Variants in NCAPD3 observed in about 807,000 individuals in gnomAD.
NCAPD3 encodes condensin-2 complex subunit D3.
NCAPD3 carries 105 observed loss-of-function variants against 182.9 expected under a neutral mutation model. The observed-to-expected ratio is 0.57, with a 90% confidence interval of 0.49 to 0.68. The LOEUF (loss-of-function observed/expected upper bound fraction) is 0.68, where lower values mean the gene tolerates loss of function less well. Ranked by LOEUF, NCAPD3 falls within the 30% of genes least tolerant of loss-of-function variation. NCAPD3 has a pLI of 0.00. For missense variants in NCAPD3, 1,944 were observed against 1,837.0 expected (o/e 1.06, Z -1.07); for synonymous variants, 815 against 679.9 (o/e 1.20, Z -3.09).
intron 27 of NCAPD3, 86 bp downstream of exon 27, chr11:134,167,909 TG>T (rs1246887089): frequency 1.8e-5 from 21 of 1,185,476 alleles, no homozygotes; most frequent in Non-Finnish European, 2.6e-5. Flanking sequence ...GAGATGAGCT[TG>T]GGGGAGGTGC....
In NCAPD3 at chr11:134,203,192, G is replaced by A. The variant is rs772639923; in HGVS notation, c.1475C>T (p.Thr492Met). 6 of 1,595,404 alleles carry A rather than the reference G, an allele frequency of 3.8e-6. No individual in the cohort carries two copies. The highest frequency in any genetic ancestry group is 2.2e-5 in the East Asian group (1 of 44,736). ...SILELLINSP[T>M]FSVIESHPGT... ...AGGGTGACTCTCTATTACAGAAAACGTAGGACCTAAAAACAAGAAGAAAGA... is the reference window on the plus strand; with the variant it reads ...AGGGTGACTCTCTATTACAGAAAACATAGGACCTAAAAACAAGAAGAAAGA... Residue 492 changes from threonine to methionine, a missense_variant, in exon 12 of 35, where the codon ACG (threonine) becomes ATG (methionine). By Grantham distance (81) the Thr-to-Met change is moderately conservative. Coordinates refer to ENST00000534548, the MANE Select transcript of NCAPD3 (RefSeq NM_015261.3).
intron 13 of NCAPD3, among the ~76,000 whole-genome samples, chr11:134,196,554 G>C (rs1944632385): frequency 6.6e-6 from 1 of 150,868 alleles, no homozygotes; most frequent in African/African-American, 2.4e-5. Flanking sequence ...GCTGAGGCAG[G>C]AGATTTGCTT....
Position 134,168,463 on chromosome 11 carries a change from G to A in NCAPD3, c.3373+6C>T, listed in dbSNP as rs1943922857. On this transcript the variant is annotated splice_donor_region_variant and intron_variant, in intron 26 of 34. Coordinates refer to ENST00000534548, the MANE Select transcript of NCAPD3 (RefSeq NM_015261.3). ...ACACATTTTCTCCCACACACACTGG[G>A]CTTACCCAAAATACTAAGGCAGATT... The A allele has an allele frequency of 1.2e-5, 19 of 1,614,004 alleles. No homozygotes were observed. Among genetic ancestry groups the A allele is most frequent in the Non-Finnish European group, 1.5e-5 (18 of 1,179,978 alleles).
At chr11:134,211,313 A>G (rs1326328742) in intron 3 of NCAPD3, among the ~76,000 whole-genome samples, 3 of 152,228 alleles carry the variant, frequency 2.0e-5, no homozygotes, top group Non-Finnish European at 4.4e-5. Context: ...TAGTATTTAA[A>G]GGAAAACAAC....
chr11:134,210,115 G>A (rs1591860772), intron 4 of NCAPD3, among the ~76,000 whole-genome samples, 155 bp downstream of exon 4: 1 of 152,270 alleles, frequency 6.6e-6, no homozygotes, highest in East Asian at 1.9e-4. Context: ...ATTATATGAA[G>A]CCGAAGACAC....
Position 134,150,641 on chromosome 11 carries a change from T to A in NCAPD3, c.*2303A>T, listed in dbSNP as rs1943192261. On this transcript the variant is annotated 3_prime_UTR_variant, in exon 35 of 35. Coordinates refer to ENST00000534548, the MANE Select transcript of NCAPD3 (RefSeq NM_015261.3). ...TCACAAAATAGGGCCCCCAATGCTATTTTTTTTTTTTAAGTTTGTTTAATT... is the reference window on the plus strand; with the variant it reads ...TCACAAAATAGGGCCCCCAATGCTAATTTTTTTTTTTAAGTTTGTTTAATT... The A allele has an allele frequency of 7.7e-6, 1 of 130,112 alleles. No individual in the cohort carries two copies. Among genetic ancestry groups the A allele is most frequent in the Non-Finnish European group, 1.6e-5 (1 of 61,494 alleles). 8.1% of individuals were successfully genotyped at this position (130,112 alleles called of 1,614,324 possible).
intron 27 of NCAPD3, among the ~76,000 whole-genome samples, chr11:134,167,790 T>C (rs577907691): frequency 2.9e-3 from 194 of 66,162 alleles, no homozygotes; most frequent in African/African-American, 9.1e-3. Context: ...TTGGGGGAGG[T>C]GCACACTCGT....
chr11:134,192,050 C>T (rs1373790992), intron 16 of NCAPD3, among the ~76,000 whole-genome samples: 1 of 152,158 alleles, frequency 6.6e-6, no homozygotes, highest in African/African-American at 2.4e-5. Context: ...ATTACGGATG[C>T]TCAACCTGTA....
At chr11:134,224,215 G>C, upstream of NCAPD3, 1 of 537,064 alleles carries the variant, frequency 1.9e-6, no homozygotes. Flanking sequence ...CGTTTTTCCC[G>C]CCTCGTTTTT....
chr11:134,153,248 G>A lies in NCAPD3; in HGVS notation c.4327+41C>T, dbSNP rs781716168. 4.3e-6 allele frequency: 7 copies of A among 1,613,678 alleles called. No individual in the cohort carries two copies. In the South Asian group the frequency reaches 7.7e-5, roughly 18 times the overall value. ...CATTCAGCTTTCCCAGAACCTCAAA[G>A]GCAGTGCATCTATCAGCCCAGAAGG... is the stretch of plus-strand genomic sequence containing the variant. On this transcript the variant is annotated intron_variant, in intron 33 of 34. Coordinates refer to ENST00000534548, the MANE Select transcript of NCAPD3 (RefSeq NM_015261.3).
intron 32 of NCAPD3, among the ~76,000 whole-genome samples, chr11:134,155,935 G>C (rs188954739): frequency 6.6e-6 from 1 of 152,106 alleles, no homozygotes; most frequent in African/African-American, 2.4e-5. Flanking sequence ...ACTATTCTAA[G>C]AGATCACAGC....
intron 23 of NCAPD3, among the ~76,000 whole-genome samples, chr11:134,177,015 AC>A (rs1249447583): frequency 2.0e-5 from 3 of 152,258 alleles, no homozygotes; most frequent in Non-Finnish European, 4.4e-5. Context: ...GGATGTCTGA[AC>A]AAAGTCCCAA....
Position 134,151,081 on chromosome 11 carries a change from A to G in NCAPD3, c.*1863T>C, listed in dbSNP as rs775515878. The stretch of plus-strand genomic sequence containing the variant: ...TGGACTCAGGACTGAAGTGCTGTAA[A>G]GCAAGGAGCTGCTGAGAAGGAGCAC... On this transcript the variant is annotated 3_prime_UTR_variant, in exon 35 of 35. Coordinates refer to ENST00000534548, the MANE Select transcript of NCAPD3 (RefSeq NM_015261.3). 1.3e-5 allele frequency: 2 copies of G among 152,282 alleles called. No individual in the cohort carries two copies. Among genetic ancestry groups the G allele is most frequent in the Non-Finnish European group, 2.9e-5 (2 of 68,064 alleles). The allele number at this position is 152,282 out of a possible 1,614,324, so 9.4% of individuals were successfully genotyped here. A position where few individuals can be genotyped will look rare whatever the true frequency, so the allele number is the denominator to read the frequency against.
In NCAPD3 at chr11:134,210,371, T is replaced by TA; in HGVS notation, c.465dup (p.Asn156Ter). 1 of 1,614,220 alleles carries TA rather than the reference T, an allele frequency of 6.2e-7. No individual in the cohort carries two copies. The highest frequency in any genetic ancestry group is 2.2e-5 in the East Asian group (1 of 44,880). On this transcript the variant is annotated frameshift_variant, in exon 4 of 35. Transcript: ENST00000534548. LOFTEE classifies it high-confidence loss of function. ...TCTTTCTTTCTTTTCCGATTCAAGT[T>TA]AGATTCCTGGGGCCAGCTCTTCTTT...
In NCAPD3 at chr11:134,177,302, T is replaced by C. The variant is rs1480525654; in HGVS notation, c.2938A>G (p.Ile980Val). The C allele has an allele frequency of 3.7e-6, 6 of 1,614,210 alleles. No individual in the cohort carries two copies. The highest frequency in any genetic ancestry group is 2.2e-5 in the South Asian group (2 of 91,084). Residue 980 changes from isoleucine to valine, a missense_variant, in exon 23 of 35, where the codon ATT becomes GTT. Ile to Val is a conservative substitution (Grantham distance 29). Coordinates refer to ENST00000534548, the MANE Select transcript of NCAPD3 (RefSeq NM_015261.3). ...TTCAGACACATGGAGATGTTGGGAA[T>C]ATACTTGTCCACCATGATGGTGTAG... ...IRYTIMVDKY[I>V]PNISMCLKDS...
upstream of NCAPD3, chr11:134,224,256 G>T: frequency 2.2e-6 from 1 of 457,496 alleles, no homozygotes; most frequent in East Asian, 4.3e-5. Context: ...AAGGGTATCT[G>T]AGATAGGGTA....
intron 20 of NCAPD3, among the ~76,000 whole-genome samples, chr11:134,179,823 A>T (rs1018542599): frequency 1.2e-4 from 19 of 152,230 alleles, no homozygotes; most frequent in African/African-American, 3.4e-4. Flanking sequence ...TAAAATGTCA[A>T]ATAAAAGCTT....
chr11:134,197,353 T>G (rs1318815866), intron 13 of NCAPD3, among the ~76,000 whole-genome samples: 1 of 147,138 alleles, frequency 6.8e-6, no homozygotes. Flanking sequence ...ATTGGCTCAC[T>G]GCAACCTCTA....
chr11:134,203,002 C>T (rs1004478002), intron 12 of NCAPD3, 97 bp from the exon 13 acceptor site: 7 of 1,206,616 alleles, frequency 5.8e-6, no homozygotes, highest in Middle Eastern at 2.0e-4. Flanking sequence ...AACATTATTA[C>T]TGAAATGAAT....
Sources: allele counts gnomAD v4.1 joint callset (sites outside exome capture counted in the v4.1 genomes callset), GRCh38; gene constraint gnomAD v4.1.1; transcripts MANE v1.5; gene names NCBI Gene and HGNC (gene_info 2026-07-23, HGNC 2026-07-21).